Variants in LRP1B observed in about 807,000 individuals in gnomAD.
The protein encoded by LRP1B is low-density lipoprotein receptor-related protein 1B.
A neutral mutation model predicts 556.6 loss-of-function variants in LRP1B; 217 were observed. The observed-to-expected ratio is 0.39, with a 90% CI of 0.35 to 0.44. The LOEUF is 0.44. Among genes scored for constraint, LRP1B ranks in the 20% least tolerant of loss-of-function variants. LRP1B has a pLI of 1.00. For synonymous variants in LRP1B, 2,047 were observed against 1,865.8 expected, an observed-to-expected ratio of 1.10 and a Z score of -2.50; for missense variants, 5,053 against 5,620.8, an observed-to-expected ratio of 0.90 and a Z score of 3.23.
chr2:141,005,987 A>G (rs1488312494), intron 14 of LRP1B, among the ~76,000 whole-genome samples: 2 of 152,038 alleles, frequency 1.3e-5, no homozygotes, highest in African/African-American at 2.4e-5. Context: ...AGGTGAATGT[A>G]CAGTTCACCA....
chr2:141,190,489 T>TA (rs943227717), intron 6 of LRP1B, among the ~76,000 whole-genome samples: 2 of 151,982 alleles, frequency 1.3e-5, no homozygotes, highest in African/African-American at 4.8e-5. Context: ...ACTTCTCTGA[T>TA]AAAAATGATA....
At chr2:141,544,831 A>G (rs1685496346) in intron 2 of LRP1B, among the ~76,000 whole-genome samples, 1 of 151,448 alleles carries the variant, frequency 6.6e-6, no homozygotes, top group South Asian at 2.1e-4. Context: ...ACTCCCAGCT[A>G]ATTTTTGTAT....
intron 2 of LRP1B, among the ~76,000 whole-genome samples, chr2:141,659,548 A>T (rs1418897791): frequency 6.6e-6 from 1 of 152,142 alleles, no homozygotes; most frequent in African/African-American, 2.4e-5. Flanking sequence ...AGCAGATGAT[A>T]CTGGTGGTTA....
At chr2:141,233,548 G>C (rs913791327) in intron 5 of LRP1B, among the ~76,000 whole-genome samples, 7 of 152,058 alleles carry the variant, frequency 4.6e-5, no homozygotes, top group African/African-American at 1.7e-4. Flanking sequence ...TATTTGACCA[G>C]GTTCATAAAA....
intron 32 of LRP1B, among the ~76,000 whole-genome samples, chr2:140,781,195 C>T (rs928902519): frequency 1.3e-5 from 2 of 152,156 alleles, no homozygotes; most frequent in Non-Finnish European, 2.9e-5. Flanking sequence ...AGCTTGTGCT[C>T]ATCAAGGACC....
At chr2:140,895,539 G>C (rs1002849574) in intron 23 of LRP1B, among the ~76,000 whole-genome samples, 7 of 152,158 alleles carry the variant, frequency 4.6e-5, no homozygotes, top group African/African-American at 1.7e-4. Flanking sequence ...GTGGCCCCTA[G>C]AGCCTCAGAA....
At chr2:140,432,287 G>A (rs1033113230) in intron 66 of LRP1B, among the ~76,000 whole-genome samples, 1 of 151,974 alleles carries the variant, frequency 6.6e-6, no homozygotes, top group African/African-American at 2.4e-5. Context: ...AGACCCACCT[G>A]TATCTCCCTT....
intron 1 of LRP1B, among the ~76,000 whole-genome samples, chr2:141,925,374 A>G (rs929169697): frequency 6.6e-6 from 1 of 152,184 alleles, no homozygotes; most frequent in Non-Finnish European, 1.5e-5. Flanking sequence ...ACAAATGAAG[A>G]GTTTGATACA....
At chr2:141,283,393 G>A (rs1685579022) in intron 3 of LRP1B, among the ~76,000 whole-genome samples, 1 of 152,038 alleles carries the variant, frequency 6.6e-6, no homozygotes, top group South Asian at 2.1e-4. Context: ...TAGAAGTTTG[G>A]GATGACAAGA....
At chr2:141,294,735 G>C (rs1300245883) in intron 3 of LRP1B, among the ~76,000 whole-genome samples, 7 of 51,612 alleles carry the variant, frequency 1.4e-4, no homozygotes, top group African/African-American at 4.0e-4. Context: ...ATGAGATTCT[G>C]TCTCAAAAAA....
chr2:141,069,522 A>T (rs868806988), intron 7 of LRP1B, among the ~76,000 whole-genome samples: 18 of 152,014 alleles, frequency 1.2e-4, no homozygotes, highest in African/African-American at 3.9e-4. Context: ...AAAGGCTGGT[A>T]CAACTTGATT....
intron 35 of LRP1B, among the ~76,000 whole-genome samples, chr2:140,737,855 T>C (rs1413788743): frequency 3.9e-5 from 6 of 152,184 alleles, no homozygotes. Flanking sequence ...CTTAATCACG[T>C]AATAGCCCTG....
rs190284034 is a variant in LRP1B, at chr2:141,183,438, G to C, written c.1013+4983C>G. Among the ~76,000 whole-genome samples, 91 of 152,132 alleles carry C rather than the reference G, an allele frequency of 6.0e-4. 1 individual carries two copies. The highest frequency in any genetic ancestry group is 7.9e-4 in the Non-Finnish European group (54 of 67,978). The stretch of plus-strand genomic sequence containing the variant: ...TTCTCAGTCATTATTAGCTTCAACA[G>C]GTGGGTGATGGGAAAGGGTTTTTTA... On this transcript the variant is annotated intron_variant, in intron 7 of 90. Transcript: ENST00000389484.
intron 6 of LRP1B, among the ~76,000 whole-genome samples, chr2:141,201,564 C>G (rs6733958): frequency 0.39 from 59,727 of 151,854 alleles, 12,990 homozygotes; most frequent in Middle Eastern, 0.59. Context: ...TGATTTGTGT[C>G]CCTAAAAATA....
intron 2 of LRP1B, among the ~76,000 whole-genome samples, chr2:141,563,968 A>T (rs1449660285): frequency 6.6e-6 from 1 of 152,060 alleles, no homozygotes; most frequent in South Asian, 2.1e-4. Context: ...TCGGCAACAC[A>T]CAACATATCC....
chr2:140,938,965 C>G (rs1401542229), intron 20 of LRP1B, among the ~76,000 whole-genome samples: 1 of 151,852 alleles, frequency 6.6e-6, no homozygotes, highest in Non-Finnish European at 1.5e-5. Context: ...TTATTGAATC[C>G]TGACTGAAAT....
intron 17 of LRP1B, among the ~76,000 whole-genome samples, chr2:140,987,504 T>C (rs952144799): frequency 3.9e-5 from 6 of 152,172 alleles, no homozygotes; most frequent in Admixed American, 2.0e-4. Context: ...TATAAATAGC[T>C]AGCCAATCAC....
At chr2:141,661,864 C>T (rs1690232863) in intron 2 of LRP1B, among the ~76,000 whole-genome samples, 1 of 152,026 alleles carries the variant, frequency 6.6e-6, no homozygotes, top group African/African-American at 2.4e-5. Context: ...AGAGCAACTC[C>T]AAGACACATA....
intron 66 of LRP1B, among the ~76,000 whole-genome samples, chr2:140,428,461 G>A (rs13019363): frequency 0.055 from 8,423 of 152,232 alleles, 274 homozygotes; most frequent in Middle Eastern, 0.068. Flanking sequence ...CCCACAGCCC[G>A]GGATTCCTCC....
Sources: allele counts gnomAD v4.1 joint callset (sites outside exome capture counted in the v4.1 genomes callset), GRCh38; gene constraint gnomAD v4.1.1; transcripts MANE v1.5; gene names NCBI Gene and HGNC (gene_info 2026-07-23, HGNC 2026-07-21).